Variants in CORIN observed in about 807,000 individuals in gnomAD.
CORIN encodes the protein atrial natriuretic peptide-converting enzyme.
CORIN carries 117 observed loss-of-function variants against 125.3 expected under a neutral mutation model. The observed-to-expected ratio is 0.93, with a 90% CI of 0.80 to 1.09. The LOEUF (loss-of-function observed/expected upper bound fraction) is 1.09. Ranked by LOEUF, CORIN falls within the 50% of genes least tolerant of loss-of-function variation. The pLI is 0.00. For missense variants in CORIN, 1,253 were observed against 1,306.7 expected (o/e 0.96, Z 0.63); for synonymous variants, 450 against 466.4 (o/e 0.96, Z 0.45).
chr4:47,809,419 T>C (rs78340431), intron 1 of CORIN, among the ~76,000 whole-genome samples: 1 of 147,976 alleles, frequency 6.8e-6, no homozygotes, highest in African/African-American at 2.5e-5. Flanking sequence ...TTTTTTTTTT[T>C]TTTGAGATAG....
intron 5 of CORIN, among the ~76,000 whole-genome samples, chr4:47,716,226 T>C (rs1727083072): frequency 6.6e-6 from 1 of 152,218 alleles, no homozygotes; most frequent in Non-Finnish European, 1.5e-5. Flanking sequence ...CTGTTCTGTT[T>C]ACACAATGAC....
chr4:47,731,230 G>A (rs780380602), intron 5 of CORIN, among the ~76,000 whole-genome samples: 18 of 152,304 alleles, frequency 1.2e-4, no homozygotes, highest in African/African-American at 3.4e-4. Flanking sequence ...TATCTGTTTC[G>A]TTTGACATGC....
chr4:47,636,330 T>A (rs991103087), intron 16 of CORIN, among the ~76,000 whole-genome samples: 1 of 152,188 alleles, frequency 6.6e-6, no homozygotes, highest in Admixed American at 6.5e-5. Context: ...ACTAACTCAC[T>A]CAAATACCAG....
intron 13 of CORIN, among the ~76,000 whole-genome samples, chr4:47,653,111 G>A (rs751986691): frequency 3.9e-5 from 6 of 152,224 alleles, no homozygotes; most frequent in South Asian, 2.1e-4. Flanking sequence ...GAGAGAAACC[G>A]CATTCTCATT....
intron 5 of CORIN, among the ~76,000 whole-genome samples, chr4:47,738,653 C>T (rs2109828084): frequency 6.6e-6 from 1 of 152,158 alleles, no homozygotes; most frequent in South Asian, 2.1e-4. Flanking sequence ...CAAAAAATTA[C>T]AAGATGTCCA....
At chr4:47,670,782 G>A (rs752364894) in intron 10 of CORIN, among the ~76,000 whole-genome samples, 12 of 151,814 alleles carry the variant, frequency 7.9e-5, no homozygotes, top group African/African-American at 2.2e-4. Flanking sequence ...CCTCCACACC[G>A]GAATGAGGAG....
chr4:47,764,978 C>T (rs1729645385), intron 3 of CORIN, among the ~76,000 whole-genome samples: 1 of 151,976 alleles, frequency 6.6e-6, no homozygotes, highest in South Asian at 2.1e-4. Context: ...CCAAAGAAAC[C>T]ACTGAATATT....
intron 4 of CORIN, among the ~76,000 whole-genome samples, chr4:47,757,868 A>ATATATATG: frequency 9.9e-6 from 1 of 100,928 alleles, no homozygotes; most frequent in African/African-American, 4.0e-5. Context: ...ATATATATAC[A>ATATATATG]TATATATATG....
chr4:47,805,186 A>T (rs914896095), intron 2 of CORIN, among the ~76,000 whole-genome samples: 1 of 150,500 alleles, frequency 6.6e-6, no homozygotes, highest in Non-Finnish European at 1.5e-5. Flanking sequence ...GTATAATTGG[A>T]TTATAAAAAA....
chr4:47,611,126 G>T (rs1343413237), intron 19 of CORIN, among the ~76,000 whole-genome samples: 1 of 152,090 alleles, frequency 6.6e-6, no homozygotes, highest in Non-Finnish European at 1.5e-5. Context: ...TTCTAATTCT[G>T]TGAAGAATGT....
intron 2 of CORIN, among the ~76,000 whole-genome samples, chr4:47,791,513 C>A (rs1452728153): frequency 6.6e-6 from 1 of 152,188 alleles, no homozygotes; most frequent in African/African-American, 2.4e-5. Flanking sequence ...AGTTCCCTCA[C>A]TATAGGCATC....
chr4:47,745,247 C>A (rs1403005715), intron 4 of CORIN, among the ~76,000 whole-genome samples: 1 of 152,210 alleles, frequency 6.6e-6, no homozygotes, highest in African/African-American at 2.4e-5. Context: ...AGTCCTAGAT[C>A]CATAGCTCTG....
chr4:47,630,204 T>C lies in CORIN; in HGVS notation c.2199-3683A>G, dbSNP rs559325242. 5.3e-5 allele frequency among the ~76,000 whole-genome samples: 8 copies of C among 152,330 alleles called. No individual in the cohort carries two copies. The East Asian group carries it at 1.3e-3, about 26-fold the overall frequency. Reference sequence around the variant, plus strand: ...GAATAAATTCCTAGAAATAAAATCATTGAATCAAAATTTGAATTTTTGATT... The same window carrying C: ...GAATAAATTCCTAGAAATAAAATCACTGAATCAAAATTTGAATTTTTGATT... On this transcript the variant is annotated intron_variant, in intron 16 of 21. Transcript: ENST00000273857.
intron 3 of CORIN, among the ~76,000 whole-genome samples, chr4:47,781,245 C>A (rs1730533276): frequency 6.6e-6 from 1 of 152,082 alleles, no homozygotes; most frequent in Admixed American, 6.6e-5. Flanking sequence ...TAAAAATATT[C>A]CCTGCAAATA....
intron 6 of CORIN, among the ~76,000 whole-genome samples, chr4:47,688,172 C>T (rs1725605546): frequency 6.6e-6 from 1 of 152,200 alleles, no homozygotes; most frequent in Admixed American, 6.5e-5. Context: ...TTTCCATCAG[C>T]TGTCTACGCA....
chr4:47,739,930 A>T (rs1484989306), intron 5 of CORIN, among the ~76,000 whole-genome samples: 2 of 151,472 alleles, frequency 1.3e-5, no homozygotes, highest in African/African-American at 4.9e-5. Flanking sequence ...AAGAATAACT[A>T]AAAAAAATAG....
At chr4:47,659,829 C>T (rs1724166832) in intron 12 of CORIN, among the ~76,000 whole-genome samples, 1 of 152,104 alleles carries the variant, frequency 6.6e-6, no homozygotes, top group Non-Finnish European at 1.5e-5. Flanking sequence ...ACATTCTTCA[C>T]AGAAATGGGA....
At chr4:47,793,214 T>C (rs1378089970) in intron 2 of CORIN, among the ~76,000 whole-genome samples, 1 of 152,154 alleles carries the variant, frequency 6.6e-6, no homozygotes, top group African/African-American at 2.4e-5. Flanking sequence ...GTAGCACATA[T>C]GCACTCAAGT....
chr4:47,630,202 C>A (rs982461345), intron 16 of CORIN, among the ~76,000 whole-genome samples: 7 of 152,164 alleles, frequency 4.6e-5, no homozygotes, highest in Admixed American at 2.0e-4. Flanking sequence ...GAAATAAAAT[C>A]ATTGAATCAA....
Sources: gnomAD v4.1 joint callset for allele counts (sites outside exome capture counted in the v4.1 genomes callset) on GRCh38, gnomAD v4.1.1 for gene constraint, MANE v1.5 for transcripts, NCBI Gene and HGNC (gene_info 2026-07-23, HGNC 2026-07-21) for gene names.